Variants in VPS13D observed in about 807,000 individuals in gnomAD.
VPS13D encodes the protein vacuolar protein sorting 13 homolog D.
VPS13D carries 187 observed loss-of-function variants against 461.9 expected under a neutral mutation model. That is an observed-to-expected ratio of 0.40 (90% CI 0.36 to 0.46). The LOEUF is 0.46. Among genes scored for constraint, VPS13D ranks in the 20% least tolerant of loss-of-function variants. The pLI is 0.60. For missense variants in VPS13D, 4,711 were observed against 5,364.9 expected, an observed-to-expected ratio of 0.88 and a Z score of 3.81; for synonymous variants, 1,951 against 1,986.3, an observed-to-expected ratio of 0.98 and a Z score of 0.47.
At chr1:12,256,108 C>A (rs764519486) in intron 7 of VPS13D, among the ~76,000 whole-genome samples, 24 of 152,054 alleles carry the variant, frequency 1.6e-4, no homozygotes, top group Admixed American at 7.2e-4. Context: ...GTGGGAGGAT[C>A]ACTTGAGCCT....
At chr1:12,269,000 G>A (rs1241062421) in intron 16 of VPS13D, 124 bp downstream of exon 16, 1 of 1,086,860 alleles carries the variant, frequency 9.2e-7, no homozygotes, top group African/African-American at 1.6e-5. Flanking sequence ...TGCAGAGTAA[G>A]TCAATAGGGT....
rs181917289 is a variant in VPS13D at position 12,393,816 on chromosome 1, A to G, written c.11635-6365A>G. On this transcript the variant is annotated intron_variant, in intron 60 of 69. Transcript: ENST00000620676. ...GTTCTGCCAGCTGTTAAGTATATCT[A>G]TGCCAATTATGCATTCTGGCACTGG... Among the ~76,000 whole-genome samples, 31 of 152,296 alleles carry G rather than the reference A, an allele frequency of 2.0e-4. No homozygotes were observed. The East Asian group carries it at 5.2e-3, about 26-fold the overall frequency.
chr1:12,293,532 G>C lies in VPS13D; in HGVS notation c.5861G>C (p.Arg1954Pro). Reference sequence around the variant, plus strand: ...TTTATCCTAATTTTTAGATACGGACGGCCTGACCCTCTGCTCCGGAGAGAA... The same window carrying C: ...TTTATCCTAATTTTTAGATACGGACCGCCTGACCCTCTGCTCCGGAGAGAA... ...ALIFQTFKYG[R>P]PDPLLRREHD... Residue 1954 changes from arginine to proline, a missense_variant, in exon 24 of 70, where the codon CGG (arginine) becomes CCG (proline). Transcript: ENST00000620676. 1 of 1,599,206 alleles carries C rather than the reference G, an allele frequency of 6.3e-7. No individual in the cohort carries two copies. The highest frequency in any genetic ancestry group is 1.1e-5 in the South Asian group (1 of 89,366).
At position 12,266,871 on chromosome 1, in the gene VPS13D, T is replaced by A. The variant is rs754713665; in HGVS notation, c.1595-10T>A. ...AGCATTGTATCAACTATTTTATTTA[T>A]CTTTTATAGATGTAAAACTTCTAGC... On this transcript the variant is annotated splice_polypyrimidine_tract_variant and intron_variant, in intron 13 of 69. Coordinates refer to ENST00000620676, the MANE Select transcript of VPS13D (RefSeq NM_015378.4). The A allele has an allele frequency of 1.9e-6, 3 of 1,557,252 alleles. No homozygotes were observed. Among genetic ancestry groups the A allele is most frequent in the Non-Finnish European group, 2.6e-6 (3 of 1,154,034 alleles).
In VPS13D at chr1:12,304,416, G is replaced by A. The variant is rs931454625; in HGVS notation, c.6217-90G>A. On this transcript the variant is annotated intron_variant, in intron 25 of 69. Transcript: ENST00000620676. The stretch of plus-strand genomic sequence containing the variant: ...TTTGAAGACCCTAGGGACTGGGATA[G>A]GACTTTGGAGATATTAAAGATAGAG... The A allele has an allele frequency of 4.9e-6, 6 of 1,214,014 alleles. No individual in the cohort carries two copies. In the Admixed American group the frequency reaches 6.3e-5, roughly 13 times the overall value. The allele number at this position is 1,214,014 out of a possible 1,614,324, so 75.2% of individuals were successfully genotyped here. A position where few individuals can be genotyped will look rare whatever the true frequency, so the allele number is the denominator to read the frequency against.
intron 20 of VPS13D, among the ~76,000 whole-genome samples, chr1:12,280,524 G>A (rs377744607): frequency 2.1e-5 from 3 of 145,758 alleles, no homozygotes; most frequent in East Asian, 4.0e-4. Flanking sequence ...TTTTTGAGAC[G>A]GAGTCTCAGG....
At chr1:12,274,431 C>A (rs569194958) in intron 18 of VPS13D, among the ~76,000 whole-genome samples, 1 of 152,254 alleles carries the variant, frequency 6.6e-6, no homozygotes, top group East Asian at 1.9e-4. Context: ...CCTGTCTTGG[C>A]GACCCAAAGT....
intron 36 of VPS13D, 87 bp downstream of exon 36, chr1:12,327,941 T>C: frequency 1.6e-6 from 2 of 1,282,500 alleles, no homozygotes; most frequent in Non-Finnish European, 2.2e-6. Context: ...TTGTCATTCA[T>C]ACTCTATTTA....
chr1:12,236,899 G>T lies in VPS13D; in HGVS notation c.97+2536G>T, dbSNP rs965389637. Among the ~76,000 whole-genome samples, 5 of 152,080 alleles carry T rather than the reference G, an allele frequency of 3.3e-5. No homozygotes were observed. The East Asian group carries it at 9.6e-4, about 29-fold the overall frequency. ...AATTGGAGATAATATTAACTATCTC[G>T]TAAGGTTCTGAGGACTAAGAAATTA... On this transcript the variant is annotated intron_variant, in intron 2 of 69. Coordinates refer to ENST00000620676, the MANE Select transcript of VPS13D (RefSeq NM_015378.4).
chr1:12,258,360 C>T (rs914744498), intron 10 of VPS13D, among the ~76,000 whole-genome samples: 1 of 152,124 alleles, frequency 6.6e-6, no homozygotes, highest in Admixed American at 6.5e-5. Flanking sequence ...GCGCCCACAC[C>T]CCTGCCCCCC....
intron 67 of VPS13D, among the ~76,000 whole-genome samples, chr1:12,489,313 C>T (rs981897821): frequency 2.6e-5 from 4 of 152,158 alleles, no homozygotes; most frequent in African/African-American, 9.7e-5. Flanking sequence ...GAAGCCTTGA[C>T]CCCTATAAAC....
intron 53 of VPS13D, 88 bp from the exon 54 acceptor site, chr1:12,369,379 G>T: frequency 8.6e-7 from 1 of 1,159,296 alleles, no homozygotes; most frequent in Non-Finnish European, 1.3e-6. Flanking sequence ...GGAAGGATTT[G>T]GAACTTAAAC....
In VPS13D at chr1:12,499,398, A is replaced by G. The variant is rs139912121; in HGVS notation, c.12794+1767A>G. ...GCTAAATGAGATTATAAATTATTGC[A>G]TGTTTTCTTTTCACTTTCCTCCCCA... On this transcript the variant is annotated intron_variant, in intron 68 of 69. Transcript: ENST00000620676. 476 of 918,096 alleles carry G rather than the reference A, an allele frequency of 5.2e-4. 2 individuals are homozygous for G. The African/African-American group carries it at 8.1e-3, about 16-fold the overall frequency. The allele number at this position is 918,096 out of a possible 1,614,324, so 56.9% of individuals were successfully genotyped here.
chr1:12,493,161 C>T (rs1645907596), intron 67 of VPS13D, among the ~76,000 whole-genome samples: 2 of 145,404 alleles, frequency 1.4e-5, no homozygotes, highest in African/African-American at 2.5e-5. Flanking sequence ...GGATAATAAG[C>T]CCAGTCCTAA....
At chr1:12,364,413 T>G (rs1227148063) in intron 52 of VPS13D, among the ~76,000 whole-genome samples, 1 of 152,242 alleles carries the variant, frequency 6.6e-6, no homozygotes, top group East Asian at 1.9e-4. Context: ...CTTGGGTTGC[T>G]TCCACCTTTG....
At position 12,361,405 on chromosome 1, in the gene VPS13D, T is replaced by TTTTA. The variant is rs1333476174; in HGVS notation, c.10142-1312_10142-1311insATTT. Among the ~76,000 whole-genome samples, 354 of 143,706 alleles carry TTTTA rather than the reference T, an allele frequency of 2.5e-3. 3 individuals are homozygous for TTTTA. Among genetic ancestry groups the TTTTA allele is most frequent in the African/African-American group, 9.3e-3 (344 of 37,022 alleles). The allele number at this position is 143,706 out of a possible 152,430, so 94.3% of individuals were successfully genotyped here. A position where few individuals can be genotyped will look rare whatever the true frequency, so the allele number is the denominator to read the frequency against. On this transcript the variant is annotated intron_variant, in intron 50 of 69. Transcript: ENST00000620676. The stretch of plus-strand genomic sequence containing the variant: ...TTTATTTATTTATTTATTTATTTAT[T>TTTTA]TTTTTTTTGAGACGGAGTCTCGCTC...
At position 12,271,087 on chromosome 1, in the gene VPS13D, G is replaced by A. The variant is rs764419837; in HGVS notation, c.2066G>A (p.Arg689Gln). ...KLKMQTKAEI[R>Q]QTLDRLLVGD... is the part of the protein sequence containing the mutation. ...AAGATGCAGACCAAGGCAGAAATCC[G>A]GCAAACTCTTGATCGTTTGCTAGTG... Residue 689 changes from arginine to glutamine, a missense_variant, in exon 17 of 70, where the codon CGG (arginine) becomes CAG (glutamine). Physicochemically the swap from Arg to Gln is conservative, Grantham distance 43. Coordinates refer to ENST00000620676, the MANE Select transcript of VPS13D (RefSeq NM_015378.4). The A allele has an allele frequency of 1.2e-5, 19 of 1,613,816 alleles. No homozygotes were observed. Among genetic ancestry groups the A allele is most frequent in the African/African-American group, 4.0e-5 (3 of 74,854 alleles).
chr1:12,257,530 TAATAAA>T (rs1640959070), intron 9 of VPS13D, among the ~76,000 whole-genome samples: 2 of 152,232 alleles, frequency 1.3e-5, no homozygotes, highest in African/African-American at 4.8e-5. Context: ...CAGTCTGATA[TAATAAA>T]GCTTTTTAAA....
intron 67 of VPS13D, chr1:12,478,443 C>T (rs1645664952): frequency 5.6e-6 from 1 of 179,574 alleles, no homozygotes; most frequent in African/African-American, 2.3e-5. Context: ...GACAGTTGAA[C>T]CATATCATTA....
Sources: gnomAD v4.1 joint callset for allele counts (sites outside exome capture counted in the v4.1 genomes callset) on GRCh38, gnomAD v4.1.1 for gene constraint, MANE v1.5 for transcripts, NCBI Gene and HGNC (gene_info 2026-07-23, HGNC 2026-07-21) for gene names.